LRP2: variants seen among roughly 807,000 people sequenced by gnomAD.
LRP2 encodes low-density lipoprotein receptor-related protein 2.
In LRP2, 172 loss-of-function variants were observed where a neutral mutation model predicts 531.0. That is an observed-to-expected ratio of 0.32 (90% CI 0.29 to 0.37). The LOEUF is 0.37. Ranked by LOEUF, LRP2 falls within the 10% of genes least tolerant of loss-of-function variation. The pLI is 1.00. For synonymous variants in LRP2, 1,992 were observed against 2,027.6 expected, an observed-to-expected ratio of 0.98 and a Z score of 0.47; for missense variants, 5,167 against 5,868.3, an observed-to-expected ratio of 0.88 and a Z score of 3.90.
In LRP2 at chr2:169,140,456, T is replaced by C. The variant is rs770991917; in HGVS notation, c.13198A>G (p.Lys4400Glu). The C allele has an allele frequency of 2.0e-5, 33 of 1,613,464 alleles. No homozygotes were observed. The South Asian group carries it at 3.4e-4, about 17-fold the overall frequency. Residue 4400 changes from lysine to glutamate, a missense_variant and splice_region_variant, in exon 72 of 79, where the codon AAG becomes GAG. Transcript: ENST00000649046. ...YFDETDLPKC[K>E]CPSGYTGKYC... ...TGGGACCTCAACATTCAGACTTACT[T>C]GCATTTGGGGAGGTCAGTCTCATCA... is the stretch of plus-strand genomic sequence containing the variant.
At chr2:169,354,172 C>T (rs920360315) in intron 1 of LRP2, among the ~76,000 whole-genome samples, 1 of 152,160 alleles carries the variant, frequency 6.6e-6, no homozygotes, top group Non-Finnish European at 1.5e-5. Context: ...TCCAGCATAA[C>T]AGAAGTGTAG....
Position 169,294,665 on chromosome 2 carries a change from T to C in LRP2, c.473A>G (p.Tyr158Cys), listed in dbSNP as rs1350321501. 7 of 1,608,706 alleles carry C rather than the reference T, an allele frequency of 4.4e-6. No individual in the cohort carries two copies. The highest frequency in any genetic ancestry group is 2.5e-6 in the Non-Finnish European group (3 of 1,179,524). The change falls in exon 5 of 79, where the codon TAT (tyrosine) becomes TGT (cysteine). Residue 158 changes from tyrosine (Y) to cysteine (C), a missense_variant. Physicochemically the swap from Tyr to Cys is radical, Grantham distance 194. Around this residue, in one of 6 missense-constraint regions of LRP2, gnomAD observed 2,811 missense variants for 3,058.0 expected, o/e 0.92. Transcript: ENST00000649046. ...CCAATCACACTTCTGACTGGTGTTA[T>C]AGCAGGCCCCATTGTCACAAGTAAG... is the stretch of plus-strand genomic sequence containing the variant. ...EQLTCDNGACYNTSQKCDWKV... is the reference protein window; with the variant it reads ...EQLTCDNGACCNTSQKCDWKV...
intron 34 of LRP2, among the ~76,000 whole-genome samples, chr2:169,216,891 C>A (rs1688818047): frequency 6.6e-6 from 1 of 152,184 alleles, no homozygotes; most frequent in African/African-American, 2.4e-5. Context: ...ACTTAATTAC[C>A]TAACCTGATT....
rs1450251369 is a variant in LRP2, at chr2:169,259,340, T to A, written c.2321-123A>T. The A allele has an allele frequency of 8.8e-6, 4 of 455,782 alleles. No individual in the cohort carries two copies. The East Asian group carries it at 1.1e-4, about 13-fold the overall frequency. 28.2% of individuals were successfully genotyped at this position (455,782 alleles called of 1,614,324 possible). A position where few individuals can be genotyped will look rare whatever the true frequency, so the allele number is the denominator to read the frequency against. On this transcript the variant is annotated intron_variant, in intron 16 of 78. Coordinates refer to ENST00000649046, the MANE Select transcript of LRP2 (RefSeq NM_004525.3). ...GCATATTTCAGGAACACATGTGGAA[T>A]TCTTTAAAAAAAAAAAAAAAAAAAA...
At chr2:169,263,887 A>T (rs1257145504) in intron 16 of LRP2, among the ~76,000 whole-genome samples, 15 of 152,162 alleles carry the variant, frequency 9.9e-5, no homozygotes, top group Non-Finnish European at 1.9e-4. Context: ...AAAATGTGGC[A>T]CATATATGCC....
chr2:169,326,201 C>A (rs1224649813), intron 1 of LRP2, among the ~76,000 whole-genome samples: 1 of 78,840 alleles, frequency 1.3e-5, no homozygotes, highest in African/African-American at 5.1e-5. Context: ...TCTCCCCTCT[C>A]CCCTCTCCCC....
At position 169,273,291 on chromosome 2, in the gene LRP2, C is replaced by CA. The variant is rs547569409; in HGVS notation, c.1976-225dup. 1.3e-3 allele frequency among the ~76,000 whole-genome samples: 189 copies of CA among 149,456 alleles called. 1 individual carries two copies. Among genetic ancestry groups the CA allele is most frequent in the Non-Finnish European group, 2.0e-3 (134 of 67,344 alleles). Reference sequence around the variant, plus strand: ...CCATCCACTCTCCAACAGACGGTGGCAAAAAAAAAGAAAGGACTCCTACAA... The same window carrying CA: ...CCATCCACTCTCCAACAGACGGTGGCAAAAAAAAAAGAAAGGACTCCTACAA... On this transcript the variant is annotated intron_variant, in intron 14 of 78. Transcript: ENST00000649046.
At chr2:169,353,317 C>A (rs1685903167) in intron 1 of LRP2, among the ~76,000 whole-genome samples, 1 of 152,150 alleles carries the variant, frequency 6.6e-6, no homozygotes, top group Admixed American at 6.5e-5. Flanking sequence ...TTTGCCCTGG[C>A]AGCCATATCA....
intron 3 of LRP2, among the ~76,000 whole-genome samples, chr2:169,311,455 G>A (rs1169016387): frequency 6.6e-6 from 1 of 152,104 alleles, no homozygotes; most frequent in African/African-American, 2.4e-5. Context: ...ATTTCTTTAT[G>A]TACCCAGTAG....
intron 76 of LRP2, among the ~76,000 whole-genome samples, chr2:169,134,224 C>T (rs959700276): frequency 1.6e-4 from 25 of 152,044 alleles, no homozygotes; most frequent in Admixed American, 3.9e-4. Flanking sequence ...CTTTTAGAGG[C>T]CCTAAAAATC....
chr2:169,325,389 A>C (rs1685021795), intron 1 of LRP2, among the ~76,000 whole-genome samples: 1 of 152,248 alleles, frequency 6.6e-6, no homozygotes, highest in African/African-American at 2.4e-5. Context: ...AAACAAACAA[A>C]TTTAAGAGGC....
Position 169,128,760 on chromosome 2 carries a change from T to C in LRP2, c.13871A>G (p.Lys4624Arg), listed in dbSNP as rs1162515967. Residue 4624 changes from lysine (K) to arginine (R), a missense_variant, in exon 79 of 79, where the codon AAG becomes AGG. This residue lies in a region of LRP2 where 348 missense variants were observed against 369.3 expected (regional missense o/e 0.94). Coordinates refer to ENST00000649046, the MANE Select transcript of LRP2 (RefSeq NM_004525.3). Reference sequence around the variant, plus strand: ...AGTTGGGTCTCTTCTCGAAGGAGGCTTAGGCTTAGCAGGGAGCGAAGGTGA... The same window carrying C: ...AGTTGGGTCTCTTCTCGAAGGAGGCCTAGGCTTAGCAGGGAGCGAAGGTGA... ...PPSPSLPAKP[K>R]PPSRRDPTPT... 3 of 1,614,128 alleles carry C rather than the reference T, an allele frequency of 1.9e-6. No homozygotes were observed. In the East Asian group the frequency reaches 6.7e-5, roughly 36 times the overall value.
Position 169,355,616 on chromosome 2 carries a change from A to G in LRP2, c.79+6705T>C, listed in dbSNP as rs543246868. Among the ~76,000 whole-genome samples, 8 of 152,354 alleles carry G rather than the reference A, an allele frequency of 5.3e-5. No homozygotes were observed. In the East Asian group the frequency reaches 1.5e-3, roughly 29 times the overall value. ...ACTGAAACTTTTGCTGGGAATAGCTAAGATAAAAACTCTTTTTCTTTCCCA... is the reference window on the plus strand; with the variant it reads ...ACTGAAACTTTTGCTGGGAATAGCTGAGATAAAAACTCTTTTTCTTTCCCA... On this transcript the variant is annotated intron_variant, in intron 1 of 78. Transcript: ENST00000649046.
chr2:169,336,562 A>G (rs1427277386), intron 1 of LRP2, among the ~76,000 whole-genome samples: 1 of 151,612 alleles, frequency 6.6e-6, no homozygotes, highest in African/African-American at 2.4e-5. Flanking sequence ...ACACACACAC[A>G]CACGCACAGA....
At chr2:169,362,117 G>T (rs144498068) in intron 1 of LRP2, among the ~76,000 whole-genome samples, 58 of 152,366 alleles carry the variant, frequency 3.8e-4, no homozygotes, top group Non-Finnish European at 6.0e-4. Flanking sequence ...CAAGTTTGCT[G>T]CCGCTCAGTT....
intron 17 of LRP2, among the ~76,000 whole-genome samples, chr2:169,257,829 A>C (rs1440112834): frequency 2.7e-5 from 4 of 149,404 alleles, no homozygotes; most frequent in East Asian, 1.9e-4. Flanking sequence ...CAAAAACAAA[A>C]AAAAAAAACA....
chr2:169,322,705 T>A (rs899826963), intron 1 of LRP2, among the ~76,000 whole-genome samples: 2 of 152,216 alleles, frequency 1.3e-5, no homozygotes, highest in African/African-American at 4.8e-5. Context: ...TAATCCAACA[T>A]AATACATTTG....
chr2:169,277,888 C>T lies in LRP2; in HGVS notation c.1629G>A (p.Met543Ile). Residue 543 changes from methionine (M) to isoleucine (I), a missense_variant, in exon 13 of 79, where the codon ATG becomes ATA. Physicochemically the swap from Met to Ile is conservative, Grantham distance 10. Coordinates refer to ENST00000649046, the MANE Select transcript of LRP2 (RefSeq NM_004525.3). ...SGEPKLERAF[M>I]DGSNRKDLVK... ...CCAAGTCTTTACGGTTGCTGCCATCCATGAATGCCCTTTCCAGCTTAGGTT... is the reference window on the plus strand; with the variant it reads ...CCAAGTCTTTACGGTTGCTGCCATCTATGAATGCCCTTTCCAGCTTAGGTT... 1.2e-6 allele frequency: 2 copies of T among 1,614,098 alleles called. No individual in the cohort carries two copies. Among genetic ancestry groups the T allele is most frequent in the East Asian group, 2.2e-5 (1 of 44,878 alleles).
intron 13 of LRP2, among the ~76,000 whole-genome samples, chr2:169,276,828 G>A (rs1410581971): frequency 2.0e-5 from 3 of 152,080 alleles, no homozygotes; most frequent in Non-Finnish European, 2.9e-5. Flanking sequence ...ATACCAAAAG[G>A]AGAGGATCTA....
Sources: allele counts gnomAD v4.1 joint callset (sites outside exome capture counted in the v4.1 genomes callset), GRCh38; gene constraint gnomAD v4.1.1; regional missense constraint gnomAD v4.1.1; transcripts MANE v1.5; gene names NCBI Gene and HGNC (gene_info 2026-07-23, HGNC 2026-07-21).